Variants in CAPN8 observed in about 807,000 individuals in gnomAD.
The protein encoded by CAPN8 is calpain-8.
In CAPN8, 87 loss-of-function variants were observed where a neutral mutation model predicts 80.9. That is an observed-to-expected ratio of 1.07 (90% CI 0.90 to 1.28). The LOEUF (loss-of-function observed/expected upper bound fraction) is 1.28. Ranked by LOEUF, CAPN8 falls within the 50% of genes most tolerant of loss-of-function variation. CAPN8 has a pLI of 0.00. For synonymous variants in CAPN8, 299 were observed against 273.8 expected (o/e 1.09, Z -0.91); for missense variants, 757 against 702.0 (o/e 1.08, Z -0.89).
chr1:223,556,900 G>A (rs1423122025), intron 13 of CAPN8, among the ~76,000 whole-genome samples: 1 of 152,144 alleles, frequency 6.6e-6, no homozygotes, highest in African/African-American at 2.4e-5. Context: ...CCTCCTGGGG[G>A]CAGTGAGAAG....
chr1:223,541,804 C>G lies in CAPN8; in HGVS notation c.*32G>C, dbSNP rs531415244. The G allele has an allele frequency of 6.4e-7, 1 of 1,551,466 alleles. No homozygotes were observed. The highest frequency in any genetic ancestry group is 2.0e-5 in the Admixed American group (1 of 50,988). The stretch of plus-strand genomic sequence containing the variant: ...GGGTGACAAGAAGCAAGCAGTGGGG[C>G]AGGGAGTGTCACTGATGTCCGAAAC... On this transcript the variant is annotated 3_prime_UTR_variant, in exon 21 of 21. Coordinates refer to ENST00000366872, the MANE Select transcript of CAPN8 (RefSeq NM_001143962.2).
rs921488952 is a variant in CAPN8, at chr1:223,665,701, C to T, written c.-55G>A. 3.7e-6 allele frequency: 5 copies of T among 1,366,846 alleles called. No homozygotes were observed. The highest frequency in any genetic ancestry group is 2.0e-5 in the Admixed American group (1 of 49,150). 84.7% of individuals were successfully genotyped at this position (1,366,846 alleles called of 1,614,324 possible). On this transcript the variant is annotated 5_prime_UTR_variant, in exon 1 of 21. Coordinates refer to ENST00000366872, the MANE Select transcript of CAPN8 (RefSeq NM_001143962.2). Reference sequence around the variant, plus strand: ...GGCAGGGCTGCACTGTACTCTCAGACACCTGCTCCACTGGGAGGGGAGCTA... The same window carrying T: ...GGCAGGGCTGCACTGTACTCTCAGATACCTGCTCCACTGGGAGGGGAGCTA...
intron 2 of CAPN8, among the ~76,000 whole-genome samples, chr1:223,634,415 G>A (rs1379507741): frequency 6.6e-6 from 1 of 152,194 alleles, no homozygotes; most frequent in African/African-American, 2.4e-5. Context: ...GTAAGGACTA[G>A]CGGGCTTCTC....
At chr1:223,615,070 T>C (rs978834905) in intron 10 of CAPN8, among the ~76,000 whole-genome samples, 8 of 152,200 alleles carry the variant, frequency 5.3e-5, no homozygotes, top group Non-Finnish European at 1.0e-4. Context: ...AGAAATAAAG[T>C]GTGGGGTGCA....
At position 223,612,282 on chromosome 1, in the gene CAPN8, G is replaced by A. The variant is rs960262979; in HGVS notation, c.1312-25C>T. 1.5e-5 allele frequency: 18 copies of A among 1,234,110 alleles called. No homozygotes were observed. In the African/African-American group the frequency reaches 1.7e-4, roughly 12 times the overall value. The allele number at this position is 1,234,110 out of a possible 1,614,324, so 76.4% of individuals were successfully genotyped here. A position where few individuals can be genotyped will look rare whatever the true frequency, so the allele number is the denominator to read the frequency against. ...CCTGTGGGGCAGAAGAAAAGAGCAG[G>A]TCACCTGAGAGCTCCAAGGTCCTCC... On this transcript the variant is annotated intron_variant, in intron 10 of 20. Coordinates refer to ENST00000366872, the MANE Select transcript of CAPN8 (RefSeq NM_001143962.2).
intron 7 of CAPN8, 53 bp from the exon 8 acceptor site, chr1:223,620,319 G>A (rs1006506751): frequency 6.7e-7 from 1 of 1,486,238 alleles, no homozygotes; most frequent in African/African-American, 1.4e-5. Context: ...TACAAGCAGG[G>A]CAAGCTGTTT....
intron 6 of CAPN8, 56 bp from the exon 7 acceptor site, chr1:223,622,956 A>G (rs1657448336): frequency 7.9e-6 from 11 of 1,386,024 alleles, no homozygotes; most frequent in South Asian, 1.2e-5. Context: ...GTTGCCTTGC[A>G]GGCATGTCTG....
At chr1:223,643,511 G>A (rs186470232) in intron 2 of CAPN8, among the ~76,000 whole-genome samples, 38 of 152,330 alleles carry the variant, frequency 2.5e-4, no homozygotes, top group Non-Finnish European at 3.2e-4. Flanking sequence ...CTTTGAGGCT[G>A]GGAAAATATC....
chr1:223,612,740 A>T (rs908309333), intron 10 of CAPN8, among the ~76,000 whole-genome samples: 1 of 152,182 alleles, frequency 6.6e-6, no homozygotes, highest in Non-Finnish European at 1.5e-5. Context: ...TCAGAGACTT[A>T]CTTCTCTGGG....
intron 14 of CAPN8, among the ~76,000 whole-genome samples, chr1:223,552,559 CAAAAAA>C (rs1167143421): frequency 3.0e-5 from 2 of 65,674 alleles, no homozygotes; most frequent in South Asian, 6.6e-4. Flanking sequence ...CAGTCCATCT[CAAAAAA>C]AAAAAAAAAA....
intron 2 of CAPN8, among the ~76,000 whole-genome samples, chr1:223,641,949 C>T (rs1228426406): frequency 2.6e-5 from 4 of 152,192 alleles, no homozygotes; most frequent in Non-Finnish European, 4.4e-5. Flanking sequence ...TAAGCATCCA[C>T]AACCAACGGT....
chr1:223,631,215 C>A (rs371417022), intron 2 of CAPN8, among the ~76,000 whole-genome samples: 92 of 152,240 alleles, frequency 6.0e-4, no homozygotes, highest in African/African-American at 2.2e-3. Flanking sequence ...CTCCATGAAG[C>A]TTTCTCTGAT....
intron 1 of CAPN8, among the ~76,000 whole-genome samples, chr1:223,663,582 C>T (rs1033122837): frequency 1.3e-5 from 2 of 152,226 alleles, no homozygotes. Flanking sequence ...CCAATCAGTG[C>T]AGAGCCCATG....
At chr1:223,659,769 G>T (rs956579096) in intron 1 of CAPN8, among the ~76,000 whole-genome samples, 2 of 152,184 alleles carry the variant, frequency 1.3e-5, no homozygotes, top group African/African-American at 4.8e-5. Flanking sequence ...ACAGTGAAGT[G>T]GGTAATATTG....
In CAPN8 at chr1:223,634,576, A is replaced by G. The variant is rs144660728; in HGVS notation, c.308-5796T>C. Among the ~76,000 whole-genome samples the G allele has an allele frequency of 5.6e-3, 857 of 152,306 alleles. 3 individuals are homozygous for G. Among genetic ancestry groups the G allele is most frequent in the Non-Finnish European group, 9.1e-3 (619 of 68,022 alleles). ...AAATACCATACACTTGATGCCTTAGAAACAACAACACAAGTCTAGAGGCTG... is the reference window on the plus strand; with the variant it reads ...AAATACCATACACTTGATGCCTTAGGAACAACAACACAAGTCTAGAGGCTG... On this transcript the variant is annotated intron_variant, in intron 2 of 20. Transcript: ENST00000366872.
intron 10 of CAPN8, among the ~76,000 whole-genome samples, chr1:223,612,985 C>T (rs1372259600): frequency 6.6e-6 from 1 of 152,154 alleles, no homozygotes; most frequent in Non-Finnish European, 1.5e-5. Flanking sequence ...TTATTATATG[C>T]AACTGGAAGT....
At chr1:223,556,525 A>C (rs1410605703) in intron 13 of CAPN8, among the ~76,000 whole-genome samples, 5 of 152,206 alleles carry the variant, frequency 3.3e-5, no homozygotes, top group African/African-American at 1.2e-4. Context: ...TGCTGAGCAC[A>C]GAAGCCCAAG....
At chr1:223,639,481 A>G (rs1254679906) in intron 2 of CAPN8, among the ~76,000 whole-genome samples, 2 of 152,216 alleles carry the variant, frequency 1.3e-5, no homozygotes, top group East Asian at 3.8e-4. Flanking sequence ...GTAAGTTTTT[A>G]CCTAAGCAAG....
intron 2 of CAPN8, among the ~76,000 whole-genome samples, chr1:223,642,324 G>A (rs374547829): frequency 6.6e-6 from 1 of 152,196 alleles, no homozygotes; most frequent in Non-Finnish European, 1.5e-5. Context: ...ACTCATTTAT[G>A]GCAACTATAA....
Sources: gnomAD v4.1 joint callset for allele counts (sites outside exome capture counted in the v4.1 genomes callset) on GRCh38, gnomAD v4.1.1 for gene constraint, MANE v1.5 for transcripts, NCBI Gene and HGNC (gene_info 2026-07-23, HGNC 2026-07-21) for gene names.